SERINC5: variants seen among roughly 807,000 people sequenced by gnomAD.
SERINC5 encodes serine incorporator 5, also known as chromosome 5 open reading frame 12.
Under a neutral mutation model 63.1 loss-of-function variants are expected in SERINC5, and 41 were observed. That is an observed-to-expected ratio of 0.65 (90% CI 0.51 to 0.84). SERINC5 has a LOEUF of 0.84. Among genes scored for constraint, SERINC5 ranks in the 40% least tolerant of loss-of-function variants. The pLI is 0.00. For missense variants in SERINC5, 523 were observed against 573.0 expected, an observed-to-expected ratio of 0.91 and a Z score of 0.89; for synonymous variants, 222 against 215.2, an observed-to-expected ratio of 1.03 and a Z score of -0.28.
chr5:80,172,933 G>A (rs938470984), intron 5 of SERINC5, among the ~76,000 whole-genome samples: 2 of 152,124 alleles, frequency 1.3e-5, no homozygotes, highest in Non-Finnish European at 2.9e-5. Context: ...TCCCCTGAAT[G>A]TCACTTATAT....
Position 80,158,958 on chromosome 5 carries a change from T to C in SERINC5, c.864A>G (p.Leu288=). The C allele has an allele frequency of 6.2e-7, 1 of 1,613,586 alleles. No individual in the cohort carries two copies. The highest frequency in any genetic ancestry group is 8.5e-7 in the Non-Finnish European group (1 of 1,179,782). ...ALSSKPAEVV[L]DEHGKNVTIC... Reference sequence around the variant, plus strand: ...TTGTAACATTTTTCCCATGTTCATCTAGAACTTGAAAAGAAAAAACAAAGT... The same window carrying C: ...TTGTAACATTTTTCCCATGTTCATCCAGAACTTGAAAAGAAAAAACAAAGT... The change falls in exon 8 of 12, where the codon CTA becomes CTG. Residue 288 remains leucine (L), a synonymous_variant. Coordinates refer to ENST00000507668, the MANE Select transcript of SERINC5 (RefSeq NM_001174072.3).
chr5:80,159,196 GCT>G (rs2112347720), intron 7 of SERINC5, among the ~76,000 whole-genome samples: 1 of 152,276 alleles, frequency 6.6e-6, no homozygotes, highest in Admixed American at 6.5e-5. Flanking sequence ...TCAGATTCCA[GCT>G]CAGTGCCATG....
chr5:80,196,334 G>A (rs1041197771), intron 2 of SERINC5, among the ~76,000 whole-genome samples: 2 of 151,960 alleles, frequency 1.3e-5, no homozygotes, highest in African/African-American at 2.4e-5. Flanking sequence ...ACACTATAGC[G>A]ACTAAAATAA....
chr5:80,151,632 T>C lies in SERINC5; in HGVS notation c.987-684A>G, dbSNP rs964331162. ...GAGTTTGAGAAGAGCCTGAGCAACA[T>C]AGCAAGACCTCATCTCTACAAAACA... On this transcript the variant is annotated intron_variant, in intron 8 of 11. Transcript: ENST00000507668. Among the ~76,000 whole-genome samples, 8 of 152,292 alleles carry C rather than the reference T, an allele frequency of 5.3e-5. No individual in the cohort carries two copies. The East Asian group carries it at 5.8e-4, about 11-fold the overall frequency.
chr5:80,239,398 C>T (rs1036883517), intron 1 of SERINC5, among the ~76,000 whole-genome samples: 3 of 62,498 alleles, frequency 4.8e-5, no homozygotes, highest in Admixed American at 3.8e-4. Context: ...TTCTCATACC[C>T]AGAGGCACAA....
At chr5:80,229,054 G>GA (rs1751307301) in intron 1 of SERINC5, among the ~76,000 whole-genome samples, 1 of 51,248 alleles carries the variant, frequency 2.0e-5, no homozygotes, top group Non-Finnish European at 3.4e-5. Flanking sequence ...TTTTTTTGGG[G>GA]ATGGAGTTGC....
intron 1 of SERINC5, among the ~76,000 whole-genome samples, chr5:80,208,281 T>C (rs1750265353): frequency 1.3e-5 from 2 of 151,066 alleles, no homozygotes; most frequent in African/African-American, 4.9e-5. Context: ...GAGGAGCTGA[T>C]AATGGGGGAG....
At chr5:80,157,004 T>C (rs978621331) in intron 8 of SERINC5, 1 of 150,430 alleles carries the variant, frequency 6.6e-6, no homozygotes, top group African/African-American at 2.4e-5. Flanking sequence ...TTTTTTTTTT[T>C]TTTTTTTGAA....
chr5:80,164,910 G>GTTTTGTTT (rs1747174810), intron 7 of SERINC5, among the ~76,000 whole-genome samples: 2 of 85,192 alleles, frequency 2.3e-5, no homozygotes, highest in African/African-American at 4.9e-5. Flanking sequence ...CTTTTTTTCT[G>GTTTTGTTT]TTTTTTTTTT....
At chr5:80,171,924 T>C (rs1429962065) in intron 5 of SERINC5, among the ~76,000 whole-genome samples, 1 of 151,798 alleles carries the variant, frequency 6.6e-6, no homozygotes, top group African/African-American at 2.4e-5. Context: ...AAGAAAAAGA[T>C]GATAAATCCA....
intron 1 of SERINC5, among the ~76,000 whole-genome samples, chr5:80,205,993 A>C (rs1750142775): frequency 6.6e-6 from 1 of 151,558 alleles, no homozygotes; most frequent in South Asian, 2.1e-4. Flanking sequence ...AAAAAAAAAA[A>C]AACCTCAAGA....
In SERINC5 at chr5:80,143,203, C is replaced by G; in HGVS notation, c.*460G>C. The G allele has an allele frequency of 1.0e-6, 1 of 988,022 alleles. No individual in the cohort carries two copies. Among genetic ancestry groups the G allele is most frequent in the Non-Finnish European group, 1.2e-6 (1 of 831,756 alleles). 61.2% of individuals were successfully genotyped at this position (988,022 alleles called of 1,614,324 possible). On this transcript the variant is annotated 3_prime_UTR_variant, in exon 12 of 12. Transcript: ENST00000507668. ...CAGGCTGAGTCCTGTCCTCAAAGCC[C>G]CCTGGGGACAAGGCTCTAAGAGGCG... is the stretch of plus-strand genomic sequence containing the variant.
intron 2 of SERINC5, among the ~76,000 whole-genome samples, chr5:80,201,659 CCT>C (rs1340559355): frequency 6.6e-6 from 1 of 152,216 alleles, no homozygotes; most frequent in Non-Finnish European, 1.5e-5. Context: ...ACCACAGTCC[CCT>C]GTGATCCAGG....
At chr5:80,181,087 G>T (rs1169473442) in intron 2 of SERINC5, among the ~76,000 whole-genome samples, 1 of 152,314 alleles carries the variant, frequency 6.6e-6, no homozygotes, top group South Asian at 2.1e-4. Context: ...ACAAGGTTGG[G>T]AAGTCGCAGC....
chr5:80,225,559 C>A (rs1344205253), intron 1 of SERINC5, among the ~76,000 whole-genome samples: 1 of 152,152 alleles, frequency 6.6e-6, no homozygotes, highest in African/African-American at 2.4e-5. Context: ...GGAACTCATT[C>A]TCCTTCTTCC....
At chr5:80,182,041 A>G (rs1468720170) in intron 2 of SERINC5, among the ~76,000 whole-genome samples, 1 of 152,190 alleles carries the variant, frequency 6.6e-6, no homozygotes, top group East Asian at 1.9e-4. Context: ...GACAGAGTAT[A>G]CGATTGTGTA....
At chr5:80,241,025 T>C (rs937894065) in intron 1 of SERINC5, among the ~76,000 whole-genome samples, 4 of 152,204 alleles carry the variant, frequency 2.6e-5, no homozygotes, top group African/African-American at 7.2e-5. Flanking sequence ...TTTCATATCA[T>C]GTTACTTAAT....
chr5:80,177,831 C>T, intron 3 of SERINC5, 55 bp downstream of exon 3: 1 of 1,379,660 alleles, frequency 7.2e-7, no homozygotes, highest in Non-Finnish European at 9.8e-7. Context: ...TCCTGGACTA[C>T]TGTCCTGAAC....
At chr5:80,137,139 CAAAAAAAAAAA>C (rs869035894), downstream of SERINC5, among the ~76,000 whole-genome samples, 7 of 67,742 alleles carry the variant, frequency 1.0e-4, no homozygotes, top group South Asian at 4.9e-3. Flanking sequence ...GACCCTGTCT[CAAAAAAAAAAA>C]AAAAAAAAAA....
Sources: allele counts gnomAD v4.1 joint callset (sites outside exome capture counted in the v4.1 genomes callset), GRCh38; gene constraint gnomAD v4.1.1; transcripts MANE v1.5; gene names NCBI Gene and HGNC (gene_info 2026-07-23, HGNC 2026-07-21).